SRD5A1: variants seen among roughly 807,000 people sequenced by gnomAD.
SRD5A1 encodes the protein 3-oxo-5-alpha-steroid 4-dehydrogenase 1.
In SRD5A1, 22 loss-of-function variants were observed where a neutral mutation model predicts 28.2. That is an observed-to-expected ratio of 0.78 (90% CI 0.56 to 1.12). The LOEUF is 1.12. Among genes scored for constraint, SRD5A1 ranks in the 50% most tolerant of loss-of-function variants. The pLI, the probability that SRD5A1 is intolerant of heterozygous loss-of-function variation, is 0.00. For synonymous variants in SRD5A1, 151 were observed against 135.0 expected (o/e 1.12, Z -0.82); for missense variants, 300 against 346.7 (o/e 0.87, Z 1.07).
At chr5:6,663,592 G>T (rs1433623899) in intron 4 of SRD5A1, among the ~76,000 whole-genome samples, 2 of 152,250 alleles carry the variant, frequency 1.3e-5, no homozygotes, top group Admixed American at 1.3e-4. Context: ...GGGCGCGGTG[G>T]CTCATGCCTG....
intron 3 of SRD5A1, among the ~76,000 whole-genome samples, chr5:6,662,425 G>A (rs1219774875): frequency 6.6e-6 from 1 of 152,370 alleles, no homozygotes; most frequent in African/African-American, 2.4e-5. Context: ...AAGATGTGAC[G>A]AATGAATGAA....
chr5:6,659,231 A>G (rs1484076508), intron 3 of SRD5A1, among the ~76,000 whole-genome samples: 1 of 150,316 alleles, frequency 6.7e-6, no homozygotes, highest in Non-Finnish European at 1.5e-5. Context: ...CTCTTGCCTC[A>G]GCCCCCCGAG....
intron 2 of SRD5A1, 62 bp from the exon 3 acceptor site, chr5:6,656,016 G>A: frequency 8.1e-7 from 1 of 1,228,054 alleles, no homozygotes; most frequent in Non-Finnish European, 1.2e-6. Flanking sequence ...AGTCAGGCTG[G>A]GGCTCGTAGT....
intron 3 of SRD5A1, among the ~76,000 whole-genome samples, chr5:6,659,214 C>T (rs1417727603): frequency 1.3e-5 from 2 of 151,664 alleles, no homozygotes; most frequent in Admixed American, 6.6e-5. Flanking sequence ...CTCGGGTTCA[C>T]GCCATTCTCT....
intron 4 of SRD5A1, among the ~76,000 whole-genome samples, chr5:6,667,771 C>T (rs1372577241): frequency 6.6e-6 from 1 of 152,224 alleles, no homozygotes; most frequent in African/African-American, 2.4e-5. Flanking sequence ...GGTGCCCACT[C>T]TACACACCCT....
intron 2 of SRD5A1, among the ~76,000 whole-genome samples, chr5:6,652,696 A>T (rs948032524): frequency 6.6e-6 from 1 of 151,848 alleles, no homozygotes; most frequent in African/African-American, 2.4e-5. Context: ...ACATGGCGAA[A>T]CTCCAGCTCT....
intron 1 of SRD5A1, 94 bp downstream of exon 1, chr5:6,633,963 T>C (rs1579389172): frequency 7.3e-7 from 1 of 1,375,180 alleles, no homozygotes; most frequent in Non-Finnish European, 1.0e-6. Context: ...CCCCGAAGCC[T>C]CCCCCACCCA....
At chr5:6,634,216 A>G (rs1318338431) in intron 1 of SRD5A1, among the ~76,000 whole-genome samples, 1 of 152,162 alleles carries the variant, frequency 6.6e-6, no homozygotes, top group Admixed American at 6.5e-5. Context: ...GATCCCAGTT[A>G]CTCGGGAGTC....
chr5:6,640,464 T>G (rs1261364327), intron 1 of SRD5A1, among the ~76,000 whole-genome samples: 1 of 152,062 alleles, frequency 6.6e-6, no homozygotes. Context: ...CCTGGTGGCC[T>G]CACAGACACC....
intron 3 of SRD5A1, among the ~76,000 whole-genome samples, chr5:6,661,965 C>A (rs569210148): frequency 4.3e-4 from 66 of 152,348 alleles, no homozygotes; most frequent in African/African-American, 1.4e-3. Flanking sequence ...AACCACAAAG[C>A]TACAGCCTGA....
At chr5:6,660,486 T>C (rs1738968711) in intron 3 of SRD5A1, among the ~76,000 whole-genome samples, 1 of 152,192 alleles carries the variant, frequency 6.6e-6, no homozygotes, top group African/African-American at 2.4e-5. Context: ...TCTGATGAAA[T>C]ACAGATCATG....
chr5:6,666,992 C>T (rs1230761846), intron 4 of SRD5A1, among the ~76,000 whole-genome samples: 1 of 152,218 alleles, frequency 6.6e-6, no homozygotes, highest in African/African-American at 2.4e-5. Context: ...TGTGCGGCGG[C>T]CAGTGCCGCT....
chr5:6,666,852 A>T (rs533801878), intron 4 of SRD5A1, among the ~76,000 whole-genome samples: 64 of 151,664 alleles, frequency 4.2e-4, no homozygotes, highest in Non-Finnish European at 8.1e-4. Context: ...CCCATCTCCC[A>T]CCTGCCCTCT....
At chr5:6,649,020 C>G (rs1738587765) in intron 1 of SRD5A1, among the ~76,000 whole-genome samples, 6 of 152,200 alleles carry the variant, frequency 3.9e-5, no homozygotes, top group Admixed American at 2.0e-4. Flanking sequence ...AGGTCCGCTC[C>G]AGACCCTGTT....
chr5:6,633,853 G>A lies in SRD5A1; in HGVS notation c.277G>A (p.Val93Ile), dbSNP rs770025504. The A allele has an allele frequency of 6.3e-7, 1 of 1,597,108 alleles. No homozygotes were observed. The change falls in exon 1 of 5, where the codon GTC (valine) becomes ATC (isoleucine). Residue 93 changes from valine to isoleucine, a missense_variant. Around this residue, in one of 2 missense-constraint regions of SRD5A1, gnomAD observed 174 missense variants for 160.9 expected, o/e 1.08. Transcript: ENST00000274192. ...CTGCATCCTCCTGGCCATGTTCCTC[G>A]TCCACTACGGGCATCGGTAACGTCC... ...PNCILLAMFL[V>I]HYGHRCLIYP...
At chr5:6,637,570 C>G (rs1295316909) in intron 1 of SRD5A1, among the ~76,000 whole-genome samples, 1 of 152,132 alleles carries the variant, frequency 6.6e-6, no homozygotes, top group Non-Finnish European at 1.5e-5. Flanking sequence ...TTCCCTGAAC[C>G]CAGGCTGCTT....
At chr5:6,665,391 C>T (rs1335974280) in intron 4 of SRD5A1, among the ~76,000 whole-genome samples, 1 of 152,212 alleles carries the variant, frequency 6.6e-6, no homozygotes, top group Non-Finnish European at 1.5e-5. Flanking sequence ...GCCAGCCTTC[C>T]AGCCATTTAA....
chr5:6,635,168 C>T (rs1011520232), intron 1 of SRD5A1, among the ~76,000 whole-genome samples: 6 of 152,184 alleles, frequency 3.9e-5, no homozygotes, highest in Admixed American at 2.6e-4. Flanking sequence ...TACCTGAGTT[C>T]CCTGAAAACC....
chr5:6,668,076 A>G (rs1739240872), intron 4 of SRD5A1, 126 bp from the exon 5 acceptor site: 1 of 555,282 alleles, frequency 1.8e-6, no homozygotes, highest in South Asian at 3.3e-5. Context: ...TGAAATGCCA[A>G]AGTTTTTGTT....
Sources: gnomAD v4.1 joint callset for allele counts (sites outside exome capture counted in the v4.1 genomes callset) on GRCh38, gnomAD v4.1.1 for gene constraint, gnomAD v4.1.1 regional missense constraint, MANE v1.5 for transcripts, NCBI Gene and HGNC (gene_info 2026-07-23, HGNC 2026-07-21) for gene names.